Variants in HDAC11 observed in about 807,000 individuals in gnomAD.
HDAC11 encodes the protein histone deacetylase 11.
In HDAC11, 23 loss-of-function variants were observed where a neutral mutation model predicts 41.1. The observed-to-expected ratio is 0.56, with a 90% CI of 0.40 to 0.79. The LOEUF (loss-of-function observed/expected upper bound fraction) is 0.79, where lower values mean the gene tolerates loss of function less well. Among genes scored for constraint, HDAC11 ranks in the 30% least tolerant of loss-of-function variants. The probability of loss-of-function intolerance (pLI) is 0.00; values close to 1 mark genes in which losing one functional copy is unlikely to be tolerated. For synonymous variants in HDAC11, 187 were observed against 186.6 expected, an observed-to-expected ratio of 1.00 and a Z score of -0.02; for missense variants, 402 against 477.3, an observed-to-expected ratio of 0.84 and a Z score of 1.47.
chr3:13,489,864 G>A (rs117349882), intron 3 of HDAC11, among the ~76,000 whole-genome samples: 2,418 of 152,144 alleles, frequency 0.016, 69 homozygotes, highest in East Asian at 0.11. Context: ...GAGCCACTGC[G>A]CCCAGCCAAT....
rs1702429535 is a variant in HDAC11 at position 13,502,715 on chromosome 3, T to G, written c.553-169T>G. On this transcript the variant is annotated intron_variant, in intron 7 of 9. Transcript: ENST00000295757. The surrounding 1 kb of genome is among the most constrained non-coding windows in gnomAD (Gnocchi z 4.1). Reference sequence around the variant, plus strand: ...GCTAGAAGGTGTCGGGGCCTGGTTTTAAGGTTGAATCCCAGCTCTGCCCCT... The same window carrying G: ...GCTAGAAGGTGTCGGGGCCTGGTTTGAAGGTTGAATCCCAGCTCTGCCCCT... 1.7e-6 allele frequency: 1 copy of G among 605,138 alleles called. No homozygotes were observed. The highest frequency in any genetic ancestry group is 1.8e-5 in the African/African-American group (1 of 54,118). 37.5% of individuals were successfully genotyped at this position (605,138 alleles called of 1,614,324 possible).
chr3:13,484,156 G>T (rs950621505), intron 3 of HDAC11, among the ~76,000 whole-genome samples: 2 of 152,124 alleles, frequency 1.3e-5, no homozygotes, highest in Non-Finnish European at 2.9e-5. Flanking sequence ...TAGAGATGTG[G>T]TTTCGCCGTG....
chr3:13,485,678 C>T (rs1050446674), intron 3 of HDAC11, among the ~76,000 whole-genome samples: 1 of 152,130 alleles, frequency 6.6e-6, no homozygotes, highest in Non-Finnish European at 1.5e-5. Flanking sequence ...GTCCTAGCTA[C>T]TTGGGAGCCT....
chr3:13,494,868 G>T (rs540134220), intron 3 of HDAC11, among the ~76,000 whole-genome samples: 1 of 152,078 alleles, frequency 6.6e-6, no homozygotes, highest in African/African-American at 2.4e-5. Context: ...GCTGGGGCCT[G>T]ACTTAGGGTG....
At chr3:13,496,977 A>C (rs760450813) in intron 4 of HDAC11, 125 bp downstream of exon 4, 7 of 517,576 alleles carry the variant, frequency 1.4e-5, no homozygotes, top group Non-Finnish European at 2.0e-5. Context: ...ATATTCCTCA[A>C]GGCTCGGCAA....
intron 3 of HDAC11, among the ~76,000 whole-genome samples, chr3:13,487,011 C>T (rs988856124): frequency 5.3e-5 from 8 of 152,108 alleles, no homozygotes; most frequent in South Asian, 4.2e-4. Flanking sequence ...GGCTCGTACA[C>T]GGTGCAGTTA....
intron 4 of HDAC11, among the ~76,000 whole-genome samples, chr3:13,498,120 T>A (rs1228366191): frequency 6.6e-6 from 1 of 152,176 alleles, no homozygotes; most frequent in Non-Finnish European, 1.5e-5. Flanking sequence ...CCTCCCAAAG[T>A]GCTGGGATTA....
At position 13,502,617 on chromosome 3, in the gene HDAC11, C is replaced by G. The variant is rs1385728805; in HGVS notation, c.553-267C>G. The G allele has an allele frequency of 2.5e-6, 1 of 399,938 alleles. No homozygotes were observed. Among genetic ancestry groups the G allele is most frequent in the Non-Finnish European group, 4.6e-6 (1 of 215,406 alleles). The allele number at this position is 399,938 out of a possible 1,614,324, so 24.8% of individuals were successfully genotyped here. ...TGATCCCAACCAGTCCCACCACAGA[C>G]TTGAGAGGGTGGCAGAGCGGGATTT... On this transcript the variant is annotated intron_variant, in intron 7 of 9. Transcript: ENST00000295757. The surrounding 1 kb of genome is among the most constrained non-coding windows in gnomAD (Gnocchi z 4.1).
At chr3:13,503,565 G>A (rs1284208245) in intron 8 of HDAC11, among the ~76,000 whole-genome samples, 2 of 152,210 alleles carry the variant, frequency 1.3e-5, no homozygotes, top group African/African-American at 4.8e-5. Context: ...ACTCCATCTC[G>A]AAAGAAAGAA....
Position 13,496,798 on chromosome 3 carries a change from T to G in HDAC11, c.315T>G (p.Leu105=). The G allele has an allele frequency of 6.3e-7, 1 of 1,599,348 alleles. No individual in the cohort carries two copies. Among genetic ancestry groups the G allele is most frequent in the Non-Finnish European group, 8.5e-7 (1 of 1,171,732 alleles). The change falls in exon 4 of 10, where the codon CTT becomes CTG. Residue 105 remains leucine, a synonymous_variant. Coordinates refer to ENST00000295757, the MANE Select transcript of HDAC11 (RefSeq NM_024827.4). ...CCGTTATCTTCCTCCCCAACTTCCT[T>G]GTGCAGAGGAAGGTGCTGAGGCCCC... ...IPPVIFLPNF[L]VQRKVLRPLR... is the part of the protein sequence containing the mutation.
intron 2 of HDAC11, among the ~76,000 whole-genome samples, chr3:13,482,890 C>A (rs1701386256): frequency 6.6e-6 from 1 of 152,078 alleles, no homozygotes; most frequent in African/African-American, 2.4e-5. Flanking sequence ...CCTCAACCTC[C>A]CTGGCTTAAG....
At chr3:13,491,068 TTGTGTGTGTGTGTGTG>T (rs58333021) in intron 3 of HDAC11, among the ~76,000 whole-genome samples, 338 of 140,398 alleles carry the variant, frequency 2.4e-3, no homozygotes, top group Admixed American at 7.5e-3. Flanking sequence ...GCTTTAATAG[TTGTGTGTGTGTGTGTG>T]TGTGTGTGTG....
Position 13,504,099 on chromosome 3 carries a change from A to T in HDAC11, c.655A>T (p.Ile219Phe). The change falls in exon 9 of 10, where the codon ATC (isoleucine) becomes TTC (phenylalanine). Residue 219 changes from isoleucine to phenylalanine, a missense_variant. Coordinates refer to ENST00000295757, the MANE Select transcript of HDAC11 (RefSeq NM_024827.4). Reference sequence around the variant, plus strand: ...CATCCATGTCTCTCTCCCAGAGGCCATCAGGCGGAAGGTGGAGCTGGAGTG... The same window carrying T: ...CATCCATGTCTCTCTCCCAGAGGCCTTCAGGCGGAAGGTGGAGCTGGAGTG... ...YPGDRFAKQA[I>F]RRKVELEWGT... 6.2e-7 allele frequency: 1 copy of T among 1,613,954 alleles called. No individual in the cohort carries two copies.
At chr3:13,490,716 TG>T (rs1701812632) in intron 3 of HDAC11, among the ~76,000 whole-genome samples, 1 of 151,520 alleles carries the variant, frequency 6.6e-6, no homozygotes, top group East Asian at 1.9e-4. Flanking sequence ...CCTACAACTT[TG>T]CTGAATTTGT....
At chr3:13,498,021 A>G (rs1702182341) in intron 4 of HDAC11, among the ~76,000 whole-genome samples, 1 of 150,918 alleles carries the variant, frequency 6.6e-6, no homozygotes. Flanking sequence ...CTGCCTGGCT[A>G]ATTTTTGTAT....
At chr3:13,491,847 C>T (rs551355139) in intron 3 of HDAC11, among the ~76,000 whole-genome samples, 2 of 152,368 alleles carry the variant, frequency 1.3e-5, no homozygotes, top group Non-Finnish European at 2.9e-5. Flanking sequence ...CCAGCACTGC[C>T]TTAGGTTGGG....
intron 3 of HDAC11, among the ~76,000 whole-genome samples, chr3:13,494,584 T>C (rs1021494880): frequency 1.3e-5 from 2 of 152,196 alleles, no homozygotes; most frequent in Admixed American, 6.5e-5. Flanking sequence ...CCAGGCCCTG[T>C]GATGCCTCCA....
intron 4 of HDAC11, 44 bp downstream of exon 4, chr3:13,496,896 C>T (rs764991954): frequency 8.2e-6 from 9 of 1,092,530 alleles, no homozygotes; most frequent in Non-Finnish European, 1.1e-5. Flanking sequence ...GGCCCCCACA[C>T]CCCAGGGTCC....
At position 13,501,856 on chromosome 3, in the gene HDAC11, T is replaced by C; in HGVS notation, c.490-15T>C. The C allele has an allele frequency of 6.2e-7, 1 of 1,613,394 alleles. No homozygotes were observed. The highest frequency in any genetic ancestry group is 8.5e-7 in the Non-Finnish European group (1 of 1,179,480). ...CCGCCCCAGATCCTCATGTCTACCCTCTCCTCCCTGGCAGTTTCTGTTTGA... is the reference window on the plus strand; with the variant it reads ...CCGCCCCAGATCCTCATGTCTACCCCCTCCTCCCTGGCAGTTTCTGTTTGA... On this transcript the variant is annotated splice_polypyrimidine_tract_variant and intron_variant, in intron 6 of 9. Coordinates refer to ENST00000295757, the MANE Select transcript of HDAC11 (RefSeq NM_024827.4).
Sources: gnomAD v4.1 joint callset for allele counts (sites outside exome capture counted in the v4.1 genomes callset) on GRCh38, gnomAD v4.1.1 for gene constraint, Gnocchi (gnomAD v3.1) non-coding constraint, MANE v1.5 for transcripts, NCBI Gene and HGNC (gene_info 2026-07-23, HGNC 2026-07-21) for gene names.